The following MMP16 variants were observed in gnomAD, a reference collection of about 807,000 sequenced individuals.
The protein encoded by MMP16 is matrix metalloproteinase-16.
In MMP16, 12 loss-of-function variants were observed where a neutral mutation model predicts 67.8. The ratio of observed to expected loss-of-function variants is 0.18; its 90% confidence interval spans 0.11 to 0.29. The LOEUF is 0.29. Among genes scored for constraint, MMP16 ranks in the 10% least tolerant of loss-of-function variants. The pLI, the probability that MMP16 is intolerant of heterozygous loss-of-function variation, is 1.00. For missense variants in MMP16, 475 were observed against 765.7 expected (o/e 0.62, Z 4.48); for synonymous variants, 249 against 255.9 (o/e 0.97, Z 0.26).
At chr8:88,182,887 C>G (rs923619328) in intron 3 of MMP16, among the ~76,000 whole-genome samples, 5 of 151,900 alleles carry the variant, frequency 3.3e-5, no homozygotes, top group African/African-American at 4.8e-5. Flanking sequence ...AAAAAATGAG[C>G]TATCAAGTTA....
chr8:88,315,663 C>T (rs1310272156), intron 1 of MMP16, among the ~76,000 whole-genome samples: 1 of 152,292 alleles, frequency 6.6e-6, no homozygotes, highest in Non-Finnish European at 1.5e-5. Context: ...CTTTCCCTCT[C>T]TTTGGGCTTC....
chr8:88,076,283 T>C (rs1808650740), intron 6 of MMP16, among the ~76,000 whole-genome samples: 1 of 152,202 alleles, frequency 6.6e-6, no homozygotes, highest in Non-Finnish European at 1.5e-5. Context: ...CTGTATAAGA[T>C]ACAAAGAACT....
chr8:88,206,894 C>G (rs1243382308), intron 1 of MMP16, among the ~76,000 whole-genome samples: 1 of 152,078 alleles, frequency 6.6e-6, no homozygotes, highest in East Asian at 1.9e-4. Flanking sequence ...AATAGTGACT[C>G]CACATTATTG....
intron 7 of MMP16, chr8:88,069,610 A>T (rs2118263079): frequency 2.2e-6 from 1 of 451,094 alleles, no homozygotes; most frequent in East Asian, 7.0e-5. Context: ...ATTGCTAATT[A>T]TAGAAAATTT....
At chr8:88,096,266 T>G (rs1025685273) in intron 6 of MMP16, among the ~76,000 whole-genome samples, 1 of 152,006 alleles carries the variant, frequency 6.6e-6, no homozygotes, top group African/African-American at 2.4e-5. Flanking sequence ...CTAGATCCTA[T>G]GAGATTATTA....
chr8:88,310,044 C>CT (rs1811272242), intron 1 of MMP16, among the ~76,000 whole-genome samples: 1 of 152,034 alleles, frequency 6.6e-6, no homozygotes, highest in Admixed American at 6.6e-5. Flanking sequence ...ACAAGTAAAA[C>CT]TGTTTTTGCT....
At chr8:88,171,394 A>C (rs2129712386) in intron 3 of MMP16, among the ~76,000 whole-genome samples, 1 of 152,342 alleles carries the variant, frequency 6.6e-6, no homozygotes, top group Admixed American at 6.5e-5. Context: ...CACTGGGCCT[A>C]GGTTGAATCT....
rs1808038015 is a variant in MMP16 at position 88,035,161 on chromosome 8, T to C, written c.*6300A>G. ...TTTCTTCCAGTTTTTCTCTGTGAAA[T>C]AAAGGTTAATGACATCTTGCTCTGA... On this transcript the variant is annotated 3_prime_UTR_variant, in exon 10 of 10. Transcript: ENST00000286614. The surrounding 1 kb of genome is among the most constrained non-coding windows in gnomAD (Gnocchi z 4.7). 1 of 152,000 alleles carries C rather than the reference T, an allele frequency of 6.6e-6. No individual in the cohort carries two copies. Among genetic ancestry groups the C allele is most frequent in the Non-Finnish European group, 1.5e-5 (1 of 67,938 alleles). 9.4% of individuals were successfully genotyped at this position (152,000 alleles called of 1,614,324 possible).
intron 6 of MMP16, among the ~76,000 whole-genome samples, chr8:88,114,147 G>A (rs1468188363): frequency 3.3e-5 from 5 of 151,806 alleles, no homozygotes; most frequent in Admixed American, 2.6e-4. Flanking sequence ...ACACATAATG[G>A]TTATCCAATC....
intron 9 of MMP16, among the ~76,000 whole-genome samples, chr8:88,044,639 T>C (rs1808176011): frequency 6.6e-6 from 1 of 152,234 alleles, no homozygotes. Context: ...GGCTGTGTTT[T>C]GATGATCCTT....
At chr8:88,298,360 G>A (rs182546596) in intron 1 of MMP16, among the ~76,000 whole-genome samples, 15 of 152,276 alleles carry the variant, frequency 9.9e-5, no homozygotes, top group Middle Eastern at 3.4e-3. Context: ...CCAAATTTAC[G>A]TGTGGAACAA....
At chr8:88,131,962 T>C (rs1042063391) in intron 4 of MMP16, among the ~76,000 whole-genome samples, 11 of 151,990 alleles carry the variant, frequency 7.2e-5, no homozygotes, top group African/African-American at 2.2e-4. Context: ...CATTACATTA[T>C]GTCGTTTATT....
Position 88,167,612 on chromosome 8 carries a change from T to C in MMP16, c.709+57A>G, listed in dbSNP as rs2129701997. On this transcript the variant is annotated intron_variant, in intron 4 of 9. Coordinates refer to ENST00000286614, the MANE Select transcript of MMP16 (RefSeq NM_005941.5). ...TAAGTTTGTAAATTGTTAAATCTCT[T>C]GGTTATTCTGAAATAATAATAGAAA... 7 of 1,462,476 alleles carry C rather than the reference T, an allele frequency of 4.8e-6. No individual in the cohort carries two copies. The East Asian group carries it at 9.3e-5, about 19-fold the overall frequency. The allele number at this position is 1,462,476 out of a possible 1,614,324, so 90.6% of individuals were successfully genotyped here.
chr8:88,258,611 T>C (rs1233869623), intron 1 of MMP16, among the ~76,000 whole-genome samples: 2 of 152,206 alleles, frequency 1.3e-5, no homozygotes, highest in East Asian at 1.9e-4. Context: ...TTTTATGTGA[T>C]AGCCACACTG....
At position 88,236,005 on chromosome 8, in the gene MMP16, TCA is replaced by T. The variant is rs150242677; in HGVS notation, c.133-38701_133-38700del. ...AGCACACAAGCATAGGTGTCTTTAC[TCA>T]CATAACTAGATGTCTTAGCAGGAAT... On this transcript the variant is annotated intron_variant, in intron 1 of 9. Transcript: ENST00000286614. Among the ~76,000 whole-genome samples the T allele has an allele frequency of 2.6e-4, 39 of 152,314 alleles. No individual in the cohort carries two copies. In the East Asian group the frequency reaches 6.9e-3, roughly 27 times the overall value.
chr8:88,198,224 T>C (rs569617212), intron 1 of MMP16, among the ~76,000 whole-genome samples: 9 of 152,286 alleles, frequency 5.9e-5, no homozygotes, highest in African/African-American at 1.9e-4. Flanking sequence ...TACAACTCTA[T>C]GGATTCATTT....
intron 8 of MMP16, among the ~76,000 whole-genome samples, chr8:88,053,769 T>C (rs1338462887): frequency 6.6e-6 from 1 of 152,210 alleles, no homozygotes; most frequent in East Asian, 1.9e-4. Flanking sequence ...TGGAGTAATC[T>C]GTTTATAAAA....
intron 1 of MMP16, among the ~76,000 whole-genome samples, chr8:88,299,770 T>C (rs1811069241): frequency 6.6e-6 from 1 of 152,194 alleles, no homozygotes; most frequent in Non-Finnish European, 1.5e-5. Context: ...GCAAAATCAT[T>C]CTTCTTTAAC....
chr8:88,075,455 G>A (rs760017405), intron 6 of MMP16, among the ~76,000 whole-genome samples: 26 of 152,068 alleles, frequency 1.7e-4, no homozygotes, highest in Non-Finnish European at 3.1e-4. Flanking sequence ...ACCCATAGCA[G>A]GTTTCTATAA....
Sources: gnomAD v4.1 joint callset for allele counts (sites outside exome capture counted in the v4.1 genomes callset) on GRCh38, gnomAD v4.1.1 for gene constraint, Gnocchi (gnomAD v3.1) non-coding constraint, MANE v1.5 for transcripts, NCBI Gene and HGNC (gene_info 2026-07-23, HGNC 2026-07-21) for gene names.